MAP7: variants seen among roughly 807,000 people sequenced by gnomAD.
MAP7 encodes ensconsin.
Under a neutral mutation model 94.8 loss-of-function variants are expected in MAP7, and 52 were observed. The observed-to-expected ratio is 0.55, with a 90% CI of 0.44 to 0.69. MAP7 has a LOEUF of 0.69. Among genes scored for constraint, MAP7 ranks in the 30% least tolerant of loss-of-function variants. MAP7 has a pLI of 0.00. For synonymous variants in MAP7, 350 were observed against 357.0 expected, an observed-to-expected ratio of 0.98 and a Z score of 0.22; for missense variants, 940 against 964.6, an observed-to-expected ratio of 0.97 and a Z score of 0.34.
At chr6:136,368,871 A>C (rs1794951993) in intron 8 of MAP7, among the ~76,000 whole-genome samples, 1 of 152,246 alleles carries the variant, frequency 6.6e-6, no homozygotes, top group African/African-American at 2.4e-5. Flanking sequence ...TTGAAATCCC[A>C]ATATAATTTT....
Position 136,345,993 on chromosome 6 carries a change from C to A in MAP7, c.2102G>T (p.Gly701Val). ...GACATCTAATCTGGATGGTTTAGAT[C>A]CAATGGGTAAGTTTATAATTTCTTC... Reference protein sequence around the residue: ...NFEEIINLPIGSKPSRLDVTN... With the variant: ...NFEEIINLPIVSKPSRLDVTN... The change falls in exon 17 of 18, where the codon GGA becomes GTA. Residue 701 changes from glycine (G) to valine (V), a missense_variant. Transcript: ENST00000354570. 1 of 1,612,330 alleles carries A rather than the reference C, an allele frequency of 6.2e-7. No homozygotes were observed. The highest frequency in any genetic ancestry group is 1.1e-5 in the South Asian group (1 of 91,040).
At chr6:136,425,006 TG>T (rs1792722678) in intron 1 of MAP7, among the ~76,000 whole-genome samples, 1 of 152,254 alleles carries the variant, frequency 6.6e-6, no homozygotes, top group East Asian at 1.9e-4. Context: ...CCTCCGTGGA[TG>T]CCTGAATTTG....
At chr6:136,549,479 T>C (rs1263910904) in intron 1 of MAP7, among the ~76,000 whole-genome samples, 3 of 152,008 alleles carry the variant, frequency 2.0e-5, no homozygotes, top group African/African-American at 4.8e-5. Flanking sequence ...TATGGAGAGA[T>C]GGGCGGGGTT....
chr6:136,362,223 C>G (rs537121548), intron 11 of MAP7, among the ~76,000 whole-genome samples: 33 of 152,034 alleles, frequency 2.2e-4, no homozygotes, highest in African/African-American at 8.0e-4. Flanking sequence ...GAGTTTGAGA[C>G]CAGCCTGGGC....
chr6:136,508,193 C>T (rs770523377), intron 1 of MAP7, among the ~76,000 whole-genome samples: 18 of 151,744 alleles, frequency 1.2e-4, no homozygotes, highest in Admixed American at 7.2e-4. Context: ...GGCATGGTGG[C>T]GCATGCCTGT....
intron 1 of MAP7, among the ~76,000 whole-genome samples, chr6:136,522,085 C>T (rs776514921): frequency 3.9e-4 from 60 of 152,250 alleles, no homozygotes; most frequent in African/African-American, 1.3e-3. Flanking sequence ...ACTTAATAAT[C>T]GCTGTGCTCA....
At chr6:136,428,690 A>C (rs1794013580) in intron 1 of MAP7, among the ~76,000 whole-genome samples, 1 of 152,212 alleles carries the variant, frequency 6.6e-6, no homozygotes, top group East Asian at 1.9e-4. Flanking sequence ...ATTTTCCTTC[A>C]AGGAGCTGAT....
chr6:136,543,555 C>T (rs1485327677), intron 1 of MAP7, among the ~76,000 whole-genome samples: 1 of 152,036 alleles, frequency 6.6e-6, no homozygotes, highest in Non-Finnish European at 1.5e-5. Context: ...GAGGCTGAGG[C>T]AGGAGAATCG....
intron 7 of MAP7, among the ~76,000 whole-genome samples, chr6:136,377,308 G>C (rs1582724276): frequency 6.6e-6 from 1 of 152,178 alleles, no homozygotes; most frequent in African/African-American, 2.4e-5. Context: ...AATGGCACAG[G>C]GAGAAGTAGT....
intron 1 of MAP7, among the ~76,000 whole-genome samples, chr6:136,505,281 A>ATATATG: frequency 9.0e-6 from 1 of 111,276 alleles, no homozygotes; most frequent in East Asian, 3.9e-4. Flanking sequence ...GTGTGTGTAT[A>ATATATG]TATATATATA....
intron 1 of MAP7, among the ~76,000 whole-genome samples, chr6:136,514,273 C>G (rs564645473): frequency 1.3e-5 from 2 of 152,168 alleles, no homozygotes; most frequent in Non-Finnish European, 2.9e-5. Flanking sequence ...GTTGTGATGG[C>G]AGGCATGAAA....
chr6:136,399,258 T>A (rs1783375620), intron 3 of MAP7, among the ~76,000 whole-genome samples: 1 of 152,238 alleles, frequency 6.6e-6, no homozygotes, highest in Non-Finnish European at 1.5e-5. Context: ...CAAAATGATC[T>A]CCAAGATCTC....
chr6:136,429,139 A>G (rs1397171787), intron 1 of MAP7, among the ~76,000 whole-genome samples: 1 of 152,078 alleles, frequency 6.6e-6, no homozygotes, highest in Non-Finnish European at 1.5e-5. Context: ...TAAACACCTC[A>G]CATCAGAAGA....
intron 15 of MAP7, among the ~76,000 whole-genome samples, chr6:136,357,713 G>C (rs1791420179): frequency 6.6e-6 from 1 of 152,134 alleles, no homozygotes; most frequent in South Asian, 2.1e-4. Context: ...GCCCAGTCTT[G>C]AACTCCTGAG....
chr6:136,543,225 A>G (rs1165037662), intron 1 of MAP7, among the ~76,000 whole-genome samples: 2 of 152,242 alleles, frequency 1.3e-5, no homozygotes, highest in Non-Finnish European at 2.9e-5. Flanking sequence ...TTGATAAACC[A>G]TCTGTGATAC....
intron 3 of MAP7, among the ~76,000 whole-genome samples, chr6:136,401,302 T>A (rs1016741149): frequency 2.0e-5 from 3 of 152,168 alleles, no homozygotes; most frequent in African/African-American, 7.2e-5. Context: ...CAGTGAGCTA[T>A]GATTGCACCA....
chr6:136,435,328 C>T (rs751561712), intron 1 of MAP7, among the ~76,000 whole-genome samples: 3 of 152,120 alleles, frequency 2.0e-5, no homozygotes, highest in Non-Finnish European at 4.4e-5. Context: ...GGCCTATCTC[C>T]CCATTCTCTT....
chr6:136,529,599 T>C (rs1371710926), intron 1 of MAP7, among the ~76,000 whole-genome samples: 1 of 152,230 alleles, frequency 6.6e-6, no homozygotes, highest in African/African-American at 2.4e-5. Context: ...GTGATAAATG[T>C]TGTATTAATA....
At chr6:136,445,908 A>G (rs967021768) in intron 1 of MAP7, among the ~76,000 whole-genome samples, 3 of 152,196 alleles carry the variant, frequency 2.0e-5, no homozygotes, top group African/African-American at 7.2e-5. Flanking sequence ...TCAACACACA[A>G]CACTTACTGT....
Sources: gnomAD v4.1 joint callset for allele counts (sites outside exome capture counted in the v4.1 genomes callset) on GRCh38, gnomAD v4.1.1 for gene constraint, MANE v1.5 for transcripts, NCBI Gene and HGNC (gene_info 2026-07-23, HGNC 2026-07-21) for gene names.